Variants in COL4A2 observed in about 807,000 individuals in gnomAD.
The protein encoded by COL4A2 is collagen alpha-2(IV) chain.
COL4A2 carries 99 observed loss-of-function variants against 200.2 expected under a neutral mutation model. The ratio of observed to expected loss-of-function variants is 0.49; its 90% CI spans 0.42 to 0.58. COL4A2 has a LOEUF of 0.58. Ranked by LOEUF, COL4A2 falls within the 20% of genes least tolerant of loss-of-function variation. COL4A2 has a pLI of 0.00. For missense variants in COL4A2, 1,950 were observed against 2,314.1 expected (o/e 0.84, Z 3.23); for synonymous variants, 897 against 900.6 (o/e 1.00, Z 0.07).
chr13:110,489,185 A>G (rs1404882873), intron 34 of COL4A2, among the ~76,000 whole-genome samples: 5 of 152,168 alleles, frequency 3.3e-5, no homozygotes, highest in Non-Finnish European at 7.4e-5. Flanking sequence ...ACATTGAGCT[A>G]TGATTGTGCT....
intron 4 of COL4A2, among the ~76,000 whole-genome samples, chr13:110,418,394 T>G (rs1880127704): frequency 1.3e-5 from 2 of 152,262 alleles, no homozygotes; most frequent in Non-Finnish European, 2.9e-5. Flanking sequence ...TTTTATAGGT[T>G]GTAATCTTTG....
intron 3 of COL4A2, among the ~76,000 whole-genome samples, chr13:110,323,421 C>T (rs1232619434): frequency 2.0e-5 from 3 of 152,172 alleles, no homozygotes; most frequent in Non-Finnish European, 4.4e-5. Flanking sequence ...GCTGGACAGC[C>T]GTCTTGCTGT....
chr13:110,409,003 C>T lies in COL4A2; in HGVS notation c.181-15731C>T, dbSNP rs1457242608. Among the ~76,000 whole-genome samples, 123 of 56,888 alleles carry T rather than the reference C, an allele frequency of 2.2e-3. 28 individuals carry two copies. The highest frequency in any genetic ancestry group is 0.015 in the Middle Eastern group (2 of 132). 37.3% of individuals were successfully genotyped at this position (56,888 alleles called of 152,430 possible). ...ACACACATGCACACACGCACACATACACACACACATACACATGGACACGCG... is the reference window on the plus strand; with the variant it reads ...ACACACATGCACACACGCACACATATACACACACATACACATGGACACGCG... On this transcript the variant is annotated intron_variant, in intron 4 of 47. Coordinates refer to ENST00000360467, the MANE Select transcript of COL4A2 (RefSeq NM_001846.4).
chr13:110,393,695 A>T (rs899004492), intron 4 of COL4A2, among the ~76,000 whole-genome samples: 1 of 152,074 alleles, frequency 6.6e-6, no homozygotes. Context: ...CCTGGCCAAC[A>T]TGGTGAAACC....
intron 3 of COL4A2, among the ~76,000 whole-genome samples, chr13:110,330,558 T>G (rs957953418): frequency 3.9e-5 from 6 of 152,300 alleles, no homozygotes; most frequent in Admixed American, 3.9e-4. Context: ...CAGGCCAGTA[T>G]TTCTGGGATT....
At position 110,506,451 on chromosome 13, in the gene COL4A2, G is replaced by A; in HGVS notation, c.4439G>A (p.Gly1480Asp). The change falls in exon 46 of 48, where the codon GGT becomes GAT. Residue 1480 changes from glycine to aspartate, a missense_variant. This residue lies in a region of COL4A2 where 1,385 missense variants were observed against 1,720.5 expected (regional missense o/e 0.80). Coordinates refer to ENST00000360467, the MANE Select transcript of COL4A2 (RefSeq NM_001846.4). ...PGRPGSPGLP[G>D]MPGRSVSIGY... Reference sequence around the variant, plus strand: ...CGTCCAGGGAGCCCGGGCCTGCCGGGTATGCCAGGCCGCAGCGTCAGCATC... The same window carrying A: ...CGTCCAGGGAGCCCGGGCCTGCCGGATATGCCAGGCCGCAGCGTCAGCATC... The A allele has an allele frequency of 6.2e-7, 1 of 1,612,586 alleles. No homozygotes were observed. Among genetic ancestry groups the A allele is most frequent in the Non-Finnish European group, 8.5e-7 (1 of 1,179,644 alleles).
At chr13:110,316,593 T>C (rs1256392209) in intron 3 of COL4A2, among the ~76,000 whole-genome samples, 2 of 152,112 alleles carry the variant, frequency 1.3e-5, no homozygotes, top group African/African-American at 4.8e-5. Context: ...CTGAAGATGC[T>C]TCCAGCATTC....
chr13:110,408,620 C>T (rs1292225763), intron 4 of COL4A2, among the ~76,000 whole-genome samples: 2 of 152,144 alleles, frequency 1.3e-5, no homozygotes, highest in African/African-American at 4.8e-5. Context: ...AGTGAGGAAG[C>T]GGGATGCGCT....
chr13:110,434,189 A>G (rs554698395), intron 11 of COL4A2, among the ~76,000 whole-genome samples: 20 of 152,276 alleles, frequency 1.3e-4, no homozygotes, highest in African/African-American at 4.1e-4. Flanking sequence ...GTCCAATCTC[A>G]GCTCCCACTC....
At chr13:110,481,179 G>A (rs1882897192) in intron 31 of COL4A2, among the ~76,000 whole-genome samples, 1 of 65,416 alleles carries the variant, frequency 1.5e-5, no homozygotes, top group African/African-American at 8.1e-5. Flanking sequence ...TCCGTTGCTG[G>A]AGACACACTG....
chr13:110,493,079 ATGGGTG>A, intron 38 of COL4A2, 126 bp from the exon 39 acceptor site: 84 of 860,488 alleles, frequency 9.8e-5, no homozygotes, highest in East Asian at 1.9e-4. Context: ...TGACACCCCC[ATGGGTG>A]AAATAACGAT....
chr13:110,321,647 C>A (rs9521691), intron 3 of COL4A2, among the ~76,000 whole-genome samples: 19,508 of 152,212 alleles, frequency 0.13, 1,561 homozygotes, highest in Non-Finnish European at 0.18. Context: ...GTTCATGCTA[C>A]TGATAAAGAC....
intron 26 of COL4A2, among the ~76,000 whole-genome samples, chr13:110,466,550 G>A (rs905482463): frequency 4.6e-5 from 7 of 152,222 alleles, no homozygotes; most frequent in African/African-American, 1.7e-4. Flanking sequence ...CCAACCAGAA[G>A]TGCCCACAGC....
intron 29 of COL4A2, among the ~76,000 whole-genome samples, chr13:110,476,510 C>A (rs575115201): frequency 1.4e-4 from 22 of 152,338 alleles, no homozygotes; most frequent in African/African-American, 5.1e-4. Flanking sequence ...CAGCCTGACT[C>A]TCGGTTCTGG....
At chr13:110,458,079 C>T (rs1387797672) in intron 21 of COL4A2, 4 of 465,890 alleles carry the variant, frequency 8.6e-6, no homozygotes, top group Non-Finnish European at 1.8e-5. Context: ...GGGAGCACTT[C>T]CTGGGACTTA....
chr13:110,309,981 A>G (rs1884927567), intron 3 of COL4A2, among the ~76,000 whole-genome samples: 1 of 152,122 alleles, frequency 6.6e-6, no homozygotes, highest in Admixed American at 6.5e-5. Flanking sequence ...ACGGAGCAAG[A>G]CTCTGTCTAA....
At chr13:110,490,979 C>T (rs966234994) in intron 36 of COL4A2, among the ~76,000 whole-genome samples, 4 of 152,284 alleles carry the variant, frequency 2.6e-5, no homozygotes, top group Non-Finnish European at 4.4e-5. Context: ...TACCCATCAT[C>T]CCTGGGGGTG....
intron 3 of COL4A2, among the ~76,000 whole-genome samples, chr13:110,314,971 T>A (rs898148899): frequency 1.3e-5 from 2 of 152,152 alleles, no homozygotes; most frequent in Non-Finnish European, 2.9e-5. Context: ...CCTCAGCTTC[T>A]GTGTTAGTTA....
chr13:110,312,236 T>C (rs1382207159), intron 3 of COL4A2, among the ~76,000 whole-genome samples: 2 of 152,090 alleles, frequency 1.3e-5, no homozygotes, highest in Non-Finnish European at 2.9e-5. Flanking sequence ...TTGGCCACGA[T>C]AAATAATAGC....
Sources: allele counts gnomAD v4.1 joint callset (sites outside exome capture counted in the v4.1 genomes callset), GRCh38; gene constraint gnomAD v4.1.1; regional missense constraint gnomAD v4.1.1; transcripts MANE v1.5; gene names NCBI Gene and HGNC (gene_info 2026-07-23, HGNC 2026-07-21).